LRRC7: variants seen among roughly 807,000 people sequenced by gnomAD.
LRRC7 encodes the protein leucine-rich repeat-containing protein 7.
LRRC7 carries 23 observed loss-of-function variants against 175.7 expected under a neutral mutation model. The ratio of observed to expected loss-of-function variants is 0.13; its 90% CI spans 0.09 to 0.19. The LOEUF (loss-of-function observed/expected upper bound fraction) is 0.19, where lower values mean the gene tolerates loss of function less well. LRRC7 is among the 10% of genes least tolerant of loss of function. The probability of loss-of-function intolerance (pLI) is 1.00; values close to 1 mark genes in which losing one functional copy is unlikely to be tolerated. For synonymous variants in LRRC7, 685 were observed against 680.9 expected (o/e 1.01, Z -0.09); for missense variants, 1,354 against 1,904.7 (o/e 0.71, Z 5.38).
At chr1:70,091,648 A>G (rs940361442) in intron 25 of LRRC7, among the ~76,000 whole-genome samples, 1 of 152,186 alleles carries the variant, frequency 6.6e-6, no homozygotes, top group African/African-American at 2.4e-5. Flanking sequence ...ATTGCCTGCA[A>G]TTCTTCCACT....
intron 2 of LRRC7, among the ~76,000 whole-genome samples, chr1:69,737,198 G>T (rs1668212770): frequency 6.6e-6 from 1 of 152,098 alleles, no homozygotes; most frequent in South Asian, 2.1e-4. Flanking sequence ...ATCTTGAATT[G>T]TAGCTCCCAT....
In LRRC7 at chr1:70,141,044, G is replaced by T. The variant is rs1667042502; in HGVS notation, c.*19157G>T. On this transcript the variant is annotated 3_prime_UTR_variant, in exon 27 of 27. Transcript: ENST00000651989. ...AATAAGGCAATGGAACACTCAAGCA[G>T]ATTTTCCTCTAATGAGTAGTTAAGT... 6.6e-6 allele frequency among the ~76,000 whole-genome samples: 1 copy of T among 152,088 alleles called. No homozygotes were observed.
chr1:69,958,690 G>A (rs1225218191), intron 8 of LRRC7, among the ~76,000 whole-genome samples: 3 of 151,976 alleles, frequency 2.0e-5, no homozygotes, highest in African/African-American at 7.2e-5. Context: ...GCCAGAGGTA[G>A]TTAATGGGAG....
At chr1:70,011,163 A>G (rs545979561) in intron 11 of LRRC7, among the ~76,000 whole-genome samples, 1 of 152,190 alleles carries the variant, frequency 6.6e-6, no homozygotes, top group Admixed American at 6.5e-5. Flanking sequence ...AGCACCTGCT[A>G]AGAGGCAGGA....
chr1:69,906,386 G>T (rs1570592258), intron 7 of LRRC7, among the ~76,000 whole-genome samples: 1 of 152,110 alleles, frequency 6.6e-6, no homozygotes, highest in Non-Finnish European at 1.5e-5. Flanking sequence ...GGTTTTTATG[G>T]TTTTACGTCT....
chr1:70,136,116 CA>C lies in LRRC7; in HGVS notation c.*14231del, dbSNP rs1666862259. 6.7e-6 allele frequency among the ~76,000 whole-genome samples: 1 copy of C among 148,792 alleles called. No homozygotes were observed. Among genetic ancestry groups the C allele is most frequent in the South Asian group, 2.1e-4 (1 of 4,666 alleles). On this transcript the variant is annotated 3_prime_UTR_variant, in exon 27 of 27. Transcript: ENST00000651989. ...GTGTGTGTCTATATATCTTATCAGG[CA>C]ATTTTTTTTTTTTTTGCATTTCCAC...
intron 8 of LRRC7, among the ~76,000 whole-genome samples, chr1:69,964,209 A>G (rs1242677364): frequency 1.3e-5 from 2 of 152,202 alleles, no homozygotes; most frequent in Non-Finnish European, 2.9e-5. Flanking sequence ...ATAGTAGCTA[A>G]TGTCCATTGA....
intron 1 of LRRC7, among the ~76,000 whole-genome samples, chr1:69,611,655 C>G (rs1353976340): frequency 1.3e-5 from 2 of 152,026 alleles, no homozygotes; most frequent in Non-Finnish European, 2.9e-5. Flanking sequence ...TCAAGCTTAC[C>G]TAACACACAC....
intron 1 of LRRC7, among the ~76,000 whole-genome samples, chr1:69,671,404 T>C (rs991718453): frequency 2.6e-5 from 4 of 152,090 alleles, no homozygotes; most frequent in African/African-American, 7.2e-5. Context: ...TTCTTTCCTC[T>C]CCTCAAGCAG....
At chr1:69,720,355 A>C (rs934258446) in intron 2 of LRRC7, among the ~76,000 whole-genome samples, 7 of 151,610 alleles carry the variant, frequency 4.6e-5, no homozygotes, top group African/African-American at 1.7e-4. Flanking sequence ...AATAATTACT[A>C]CTAGCAATTC....
intron 7 of LRRC7, among the ~76,000 whole-genome samples, chr1:69,897,548 A>T (rs867384117): frequency 6.6e-6 from 1 of 152,140 alleles, no homozygotes; most frequent in African/African-American, 2.4e-5. Flanking sequence ...CTTTACTCCT[A>T]TCTCATAGAA....
At chr1:69,810,850 G>A (rs1677758311) in intron 4 of LRRC7, among the ~76,000 whole-genome samples, 1 of 152,062 alleles carries the variant, frequency 6.6e-6, no homozygotes. Flanking sequence ...TACCATTCAG[G>A]ATATAGGCAT....
At chr1:69,993,826 G>A (rs1570941439) in intron 10 of LRRC7, among the ~76,000 whole-genome samples, 2 of 152,094 alleles carry the variant, frequency 1.3e-5, no homozygotes, top group Non-Finnish European at 2.9e-5. Context: ...AATATTGTAG[G>A]TTATTTTATG....
intron 1 of LRRC7, among the ~76,000 whole-genome samples, chr1:69,661,650 A>G (rs1414671477): frequency 1.3e-5 from 2 of 152,184 alleles, no homozygotes; most frequent in Non-Finnish European, 2.9e-5. Flanking sequence ...CCTTATGATC[A>G]TAACTACAGC....
chr1:69,621,792 G>T (rs1041032710), intron 1 of LRRC7, among the ~76,000 whole-genome samples: 2 of 152,098 alleles, frequency 1.3e-5, no homozygotes, highest in Admixed American at 6.5e-5. Context: ...ACCCTTACTG[G>T]ACTGGACCAC....
chr1:69,822,071 GTCTT>G (rs1313133426), intron 4 of LRRC7, among the ~76,000 whole-genome samples: 1 of 152,148 alleles, frequency 6.6e-6, no homozygotes, highest in Non-Finnish European at 1.5e-5. Flanking sequence ...TGGATTCTGA[GTCTT>G]TCTCAGACTT....
At chr1:69,919,872 C>A in intron 7 of LRRC7, 2 of 656,812 alleles carry the variant, frequency 3.0e-6, no homozygotes, top group South Asian at 1.7e-5. Flanking sequence ...CCTCGGGGTT[C>A]CCCCGCTGCC....
intron 18 of LRRC7, among the ~76,000 whole-genome samples, chr1:70,035,504 T>C (rs561951878): frequency 6.6e-5 from 10 of 150,518 alleles, no homozygotes; most frequent in Non-Finnish European, 5.9e-5. Flanking sequence ...GAAGAACACA[T>C]GATAGAACTT....
chr1:69,857,102 TG>T (rs1257477719), intron 7 of LRRC7, among the ~76,000 whole-genome samples: 2 of 152,150 alleles, frequency 1.3e-5, no homozygotes, highest in Non-Finnish European at 2.9e-5. Context: ...TCGGTATTGA[TG>T]GGATATATCT....
Sources: allele counts gnomAD v4.1 joint callset (sites outside exome capture counted in the v4.1 genomes callset), GRCh38; gene constraint gnomAD v4.1.1; transcripts MANE v1.5; gene names NCBI Gene and HGNC (gene_info 2026-07-23, HGNC 2026-07-21).